The following MEIS3 variants were observed in gnomAD, a reference collection of about 807,000 sequenced individuals.
MEIS3 encodes the protein homeobox protein Meis3.
In MEIS3, 38 loss-of-function variants were observed where a neutral mutation model predicts 51.4. The ratio of observed to expected loss-of-function variants is 0.74; its 90% CI spans 0.57 to 0.97. The LOEUF (loss-of-function observed/expected upper bound fraction) is 0.97, where lower values mean the gene tolerates loss of function less well. Ranked by LOEUF, MEIS3 falls within the 50% of genes least tolerant of loss-of-function variation. MEIS3 has a pLI of 0.00. For missense variants in MEIS3, 456 were observed against 502.6 expected, an observed-to-expected ratio of 0.91 and a Z score of 0.89; for synonymous variants, 198 against 201.8, an observed-to-expected ratio of 0.98 and a Z score of 0.16.
At chr19:47,417,540 G>A (rs771894911) in intron 1 of MEIS3, 190 bp from the exon 2 acceptor site, 6 of 736,048 alleles carry the variant, frequency 8.2e-6, no homozygotes, top group South Asian at 7.3e-5. Context: ...GCCTCGGTGG[G>A]GAGTGAGGAC....
At chr19:47,414,988 G>T in intron 5 of MEIS3, 63 bp downstream of exon 5, 1 of 1,297,784 alleles carries the variant, frequency 7.7e-7, no homozygotes, top group Non-Finnish European at 1.1e-6. Context: ...GGGGGGCAGA[G>T]GCGACGAGAG....
In MEIS3 at chr19:47,416,785, G is replaced by A. The variant is rs1455894928; in HGVS notation, c.345+19C>T. 1 of 1,613,050 alleles carries A rather than the reference G, an allele frequency of 6.2e-7. No individual in the cohort carries two copies. The highest frequency in any genetic ancestry group is 8.5e-7 in the Non-Finnish European group (1 of 1,179,674). ...CGCTGGCTCTCTGACTCGGTGTGTGGTGGGTGGGAGGTGCCCACCTGCTTG... is the reference window on the plus strand; with the variant it reads ...CGCTGGCTCTCTGACTCGGTGTGTGATGGGTGGGAGGTGCCCACCTGCTTG... On this transcript the variant is annotated intron_variant, in intron 3 of 12. Coordinates refer to ENST00000558555, the MANE Select transcript of MEIS3 (RefSeq NM_001301059.2).
At chr19:47,407,251 A>C (rs969560217) in intron 9 of MEIS3, 101 bp downstream of exon 9, 8 of 1,490,494 alleles carry the variant, frequency 5.4e-6, no homozygotes, top group Middle Eastern at 1.8e-4. Context: ...CGGGGCGAGC[A>C]GGGGCAGTGG....
chr19:47,421,104 G>A (rs1054370958), upstream of MEIS3, among the ~76,000 whole-genome samples: 16 of 151,996 alleles, frequency 1.1e-4, no homozygotes, highest in Non-Finnish European at 2.4e-4. Context: ...TCGGCTCTTC[G>A]AGGGTGTGCT....
At chr19:47,417,662 C>A (rs1313111111) in intron 1 of MEIS3, 1 of 702,496 alleles carries the variant, frequency 1.4e-6, no homozygotes, top group Non-Finnish European at 2.6e-6. Context: ...AAGACAGTGA[C>A]AGAGACAGAG....
At chr19:47,408,797 A>C (rs994402796) in intron 8 of MEIS3, among the ~76,000 whole-genome samples, 1 of 152,016 alleles carries the variant, frequency 6.6e-6, no homozygotes, top group Non-Finnish European at 1.5e-5. Context: ...AAATGGAGAT[A>C]ATAGTAGCCC....
chr19:47,419,164 G>A lies in MEIS3; in HGVS notation c.-83C>T. On this transcript the variant is annotated 5_prime_UTR_variant, in exon 1 of 13. Transcript: ENST00000558555. ...GCAGCCCGGGGCCGCAGCCCCTGAC[G>A]GCCCGCGGTGTTGACGCCAGGGGGT... The A allele has an allele frequency of 1.8e-6, 2 of 1,083,570 alleles. No individual in the cohort carries two copies. The highest frequency in any genetic ancestry group is 2.3e-6 in the Non-Finnish European group (2 of 854,058). The allele number at this position is 1,083,570 out of a possible 1,614,324, so 67.1% of individuals were successfully genotyped here.
intron 8 of MEIS3, among the ~76,000 whole-genome samples, chr19:47,408,131 TTCTC>T (rs570573323): frequency 6.7e-4 from 101 of 151,446 alleles, no homozygotes; most frequent in Non-Finnish European, 1.3e-3. Flanking sequence ...TTCTTTCTCT[TTCTC>T]TCTTTTTTTT....
Position 47,419,095 on chromosome 19 carries a change from C to T in MEIS3, c.-14G>A, listed in dbSNP as rs977024596. The T allele has an allele frequency of 6.4e-6, 8 of 1,242,866 alleles. No homozygotes were observed. In the Admixed American group the frequency reaches 1.7e-4, roughly 26 times the overall value. The allele number at this position is 1,242,866 out of a possible 1,614,324, so 77.0% of individuals were successfully genotyped here. On this transcript the variant is annotated 5_prime_UTR_variant, in exon 1 of 13. Transcript: ENST00000558555. ...CCTCCGGGCCATGGGCTGAGGCCGGCGGCAGCTCCTGGGTCCCTCCAGAGC... is the reference window on the plus strand; with the variant it reads ...CCTCCGGGCCATGGGCTGAGGCCGGTGGCAGCTCCTGGGTCCCTCCAGAGC...
chr19:47,422,014 A>G (rs563711280), upstream of MEIS3, among the ~76,000 whole-genome samples: 39 of 149,082 alleles, frequency 2.6e-4, no homozygotes, highest in African/African-American at 8.2e-4. Flanking sequence ...TGCCTGGCCC[A>G]GCTCCAGGAG....
rs543802240 is a variant in MEIS3 at position 47,416,575 on chromosome 19, C to A, written c.396+77G>T. On this transcript the variant is annotated intron_variant, in intron 4 of 12. Transcript: ENST00000558555. ...AGGTGGCCTTCTCTCTGCACCCCCC[C>A]CACCAACCCCAGGGATGGGGCGTCA... The A allele has an allele frequency of 7.1e-6, 9 of 1,259,860 alleles. No homozygotes were observed. The Admixed American group carries it at 8.6e-5, about 12-fold the overall frequency. The allele number at this position is 1,259,860 out of a possible 1,614,324, so 78.0% of individuals were successfully genotyped here.
chr19:47,414,857 G>T lies in MEIS3; in HGVS notation c.457C>A (p.Leu153Met), dbSNP rs1273797141. 3 of 1,612,146 alleles carry T rather than the reference G, an allele frequency of 1.9e-6. No individual in the cohort carries two copies. The change falls in exon 6 of 13, where the codon CTG (leucine) becomes ATG (methionine). Residue 153 changes from leucine to methionine, a missense_variant. Transcript: ENST00000558555. ...TAGCGGTGACAGAAGTTGTCGCACAGGTCGTGGACCTGGGGGGGCACCGGG... is the reference window on the plus strand; with the variant it reads ...TAGCGGTGACAGAAGTTGTCGCACATGTCGTGGACCTGGGGGGGCACCGGG... ...HLLELEKVHD[L>M]CDNFCHRYIT...
rs1386575478 is a variant in MEIS3, at chr19:47,415,401, C to T, written c.397-300G>A. On this transcript the variant is annotated intron_variant, in intron 4 of 12. Transcript: ENST00000558555. ...AGCTAAGGTGAGCCATGCTGACTGG[C>T]ATTCCCATCCTCTGCCTGTTGGCCC... 4.6e-5 allele frequency among the ~76,000 whole-genome samples: 7 copies of T among 151,964 alleles called. No individual in the cohort carries two copies. The East Asian group carries it at 1.2e-3, about 25-fold the overall frequency.
chr19:47,403,627 G>T lies in MEIS3; in HGVS notation c.*18-74C>A, dbSNP rs374439973. On this transcript the variant is annotated intron_variant, in intron 12 of 12. Coordinates refer to ENST00000558555, the MANE Select transcript of MEIS3 (RefSeq NM_001301059.2). ...GCCCCACCCCAGCCCATCTGTGCAG[G>T]CCTCATCAGCCCCAATGTGAGGGGG... 8.5e-4 allele frequency: 306 copies of T among 360,350 alleles called. 1 individual carries two copies. Among genetic ancestry groups the T allele is most frequent in the Middle Eastern group, 2.3e-3 (5 of 2,188 alleles). The allele number at this position is 360,350 out of a possible 1,614,324, so 22.3% of individuals were successfully genotyped here. A position where few individuals can be genotyped will look rare whatever the true frequency, so the allele number is the denominator to read the frequency against.
In MEIS3 at chr19:47,405,636, G is replaced by A. The variant is rs551556571; in HGVS notation, c.*17+824C>T. 1.3e-4 allele frequency among the ~76,000 whole-genome samples: 19 copies of A among 147,670 alleles called. No homozygotes were observed. The South Asian group carries it at 3.8e-3, about 30-fold the overall frequency. ...TTGATCTTGGCTCACTGTAACCTCCGCCTCCTGGGTTCAAGTGATTCTCCT... is the reference window on the plus strand; with the variant it reads ...TTGATCTTGGCTCACTGTAACCTCCACCTCCTGGGTTCAAGTGATTCTCCT... On this transcript the variant is annotated intron_variant, in intron 12 of 12. Transcript: ENST00000558555.
intron 3 of MEIS3, 46 bp from the exon 4 acceptor site, chr19:47,416,748 C>A (rs373843907): frequency 9.4e-5 from 152 of 1,612,196 alleles, no homozygotes; most frequent in Non-Finnish European, 1.2e-4. Flanking sequence ...CCGCCTTCCA[C>A]CCACCCCTCC....
intron 6 of MEIS3, among the ~76,000 whole-genome samples, chr19:47,410,590 C>T (rs1332849205): frequency 1.3e-5 from 2 of 151,238 alleles, no homozygotes; most frequent in Non-Finnish European, 2.9e-5. Flanking sequence ...CATGGTGAAA[C>T]CCCGTCTCTA....
chr19:47,417,213 G>A lies in MEIS3; in HGVS notation c.150C>T (p.Ser50=), dbSNP rs896984246. Residue 50 remains serine, a synonymous_variant, in exon 2 of 13, where the codon AGC becomes AGT. Transcript: ENST00000558555. ...CATCCTTCTCCCTCTTCAGGCCGTC[G>A]CTGTCCAAGCCTGGGGGCAGGGGCT... ...PPQPLPPGLD[S]DGLKREKDEI... 19 of 1,572,422 alleles carry A rather than the reference G, an allele frequency of 1.2e-5. No homozygotes were observed. Among genetic ancestry groups the A allele is most frequent in the Non-Finnish European group, 1.5e-5 (18 of 1,162,272 alleles).
upstream of MEIS3, among the ~76,000 whole-genome samples, chr19:47,421,518 C>T (rs1971715395): frequency 6.6e-6 from 1 of 152,180 alleles, no homozygotes; most frequent in Non-Finnish European, 1.5e-5. Context: ...TAGCCTCCTG[C>T]CTCGGTTTCC....
Sources: allele counts gnomAD v4.1 joint callset (sites outside exome capture counted in the v4.1 genomes callset), GRCh38; gene constraint gnomAD v4.1.1; transcripts MANE v1.5; gene names NCBI Gene and HGNC (gene_info 2026-07-23, HGNC 2026-07-21).